Variants in NALF1 observed in about 807,000 individuals in gnomAD.
NALF1 encodes family with sequence similarity 155 member A.
Under a neutral mutation model 48.4 loss-of-function variants are expected in NALF1, and 3 were observed. The ratio of observed to expected loss-of-function variants is 0.06; its 90% CI spans 0.03 to 0.16. NALF1 has a LOEUF of 0.16. Among genes scored for constraint, NALF1 ranks in the 10% least tolerant of loss-of-function variants. The pLI is 1.00. For missense variants in NALF1, 526 were observed against 571.5 expected (o/e 0.92, Z 0.81); for synonymous variants, 262 against 245.7 (o/e 1.07, Z -0.62).
chr13:107,798,475 C>T (rs1408150150), intron 1 of NALF1, among the ~76,000 whole-genome samples: 1 of 152,104 alleles, frequency 6.6e-6, no homozygotes, highest in African/African-American at 2.4e-5. Context: ...CAATTATTAT[C>T]AATCTCTTCT....
At chr13:107,762,151 A>C (rs1052677220) in intron 1 of NALF1, among the ~76,000 whole-genome samples, 1 of 152,096 alleles carries the variant, frequency 6.6e-6, no homozygotes. Flanking sequence ...GGTGTGTGCT[A>C]TGGTGCCAGG....
At position 107,210,772 on chromosome 13, in the gene NALF1, A is replaced by T. The variant is rs138963049; in HGVS notation, c.916-17T>A. The T allele has an allele frequency of 6.1e-4, 975 of 1,593,696 alleles. 2 individuals carry two copies. In the African/African-American group the frequency reaches 9.8e-3, roughly 16 times the overall value. ...GTAGACAATCTGAAAAAAAGAGAAG[A>T]ATGAAAAATATAGAGGCGTGACAAC... is the stretch of plus-strand genomic sequence containing the variant. On this transcript the variant is annotated splice_polypyrimidine_tract_variant and intron_variant, in intron 1 of 2. Transcript: ENST00000375915.
chr13:107,751,271 G>T (rs1459193374), intron 1 of NALF1, among the ~76,000 whole-genome samples: 1 of 152,180 alleles, frequency 6.6e-6, no homozygotes, highest in Non-Finnish European at 1.5e-5. Context: ...TTTGCCCACG[G>T]TAGAGGTAAA....
At chr13:107,601,136 A>C (rs530050553) in intron 1 of NALF1, among the ~76,000 whole-genome samples, 1 of 152,280 alleles carries the variant, frequency 6.6e-6, no homozygotes, top group African/African-American at 2.4e-5. Flanking sequence ...TGATTGCTGT[A>C]GTATCCATTA....
intron 1 of NALF1, among the ~76,000 whole-genome samples, chr13:107,361,543 A>G (rs1037893809): frequency 3.3e-5 from 5 of 152,164 alleles, no homozygotes; most frequent in African/African-American, 1.2e-4. Flanking sequence ...TGAGCCATGG[A>G]AAAAAAGTGA....
chr13:107,782,230 T>C (rs1877913066), intron 1 of NALF1, among the ~76,000 whole-genome samples: 1 of 152,204 alleles, frequency 6.6e-6, no homozygotes, highest in African/African-American at 2.4e-5. Context: ...GTTTTCGTAT[T>C]TTTTGGTGGA....
intron 1 of NALF1, among the ~76,000 whole-genome samples, chr13:107,531,017 CATAT>C (rs3072957): frequency 0.69 from 103,766 of 150,560 alleles, 36,668 homozygotes; most frequent in Middle Eastern, 0.82. Context: ...TTGTCATTCA[CATAT>C]ATATATATAT....
intron 1 of NALF1, among the ~76,000 whole-genome samples, chr13:107,403,464 A>G (rs999240525): frequency 6.6e-6 from 1 of 151,632 alleles, no homozygotes; most frequent in African/African-American, 2.4e-5. Context: ...GCTTGAAGTG[A>G]TTAGATTTTC....
At chr13:107,230,510 TTATTA>T (rs1566458293) in intron 1 of NALF1, among the ~76,000 whole-genome samples, 1 of 152,122 alleles carries the variant, frequency 6.6e-6, no homozygotes, top group Non-Finnish European at 1.5e-5. Flanking sequence ...ATTATTATTA[TTATTA>T]TTTTTATTTT....
At chr13:107,608,814 T>G (rs1879143678) in intron 1 of NALF1, among the ~76,000 whole-genome samples, 1 of 152,190 alleles carries the variant, frequency 6.6e-6, no homozygotes, top group African/African-American at 2.4e-5. Context: ...TGAAGCAGGA[T>G]CAGACCCAGC....
At chr13:107,726,624 TTTC>T (rs1216442592) in intron 1 of NALF1, among the ~76,000 whole-genome samples, 5,421 of 70,232 alleles carry the variant, frequency 0.077, 111 homozygotes, top group Non-Finnish European at 0.093. Flanking sequence ...TTTTTTTTTT[TTTC>T]CAGATGGAGT....
At chr13:107,588,775 A>G (rs1043968260) in intron 1 of NALF1, among the ~76,000 whole-genome samples, 10 of 152,120 alleles carry the variant, frequency 6.6e-5, no homozygotes, top group African/African-American at 2.2e-4. Flanking sequence ...CTGCATAGGT[A>G]CAAAACTGAA....
intron 2 of NALF1, among the ~76,000 whole-genome samples, chr13:107,198,505 T>C (rs1879440267): frequency 6.6e-6 from 1 of 152,272 alleles, no homozygotes; most frequent in Admixed American, 6.5e-5. Context: ...TTTTTATTTC[T>C]TCCTGTCCTC....
intron 1 of NALF1, among the ~76,000 whole-genome samples, chr13:107,789,679 A>C (rs555363159): frequency 6.6e-6 from 1 of 152,354 alleles, no homozygotes; most frequent in African/African-American, 2.4e-5. Context: ...AGAGATAATA[A>C]AACTGAGACT....
At chr13:107,593,714 G>A (rs762359953) in intron 1 of NALF1, among the ~76,000 whole-genome samples, 13 of 151,042 alleles carry the variant, frequency 8.6e-5, no homozygotes, top group South Asian at 2.1e-4. Context: ...ATGAATCCTC[G>A]AGTAATAATA....
At chr13:107,769,328 G>A (rs1327846953) in intron 1 of NALF1, among the ~76,000 whole-genome samples, 1 of 148,720 alleles carries the variant, frequency 6.7e-6, no homozygotes, top group East Asian at 2.1e-4. Context: ...AAGAAAATGT[G>A]GCACATATAC....
At chr13:107,576,680 C>T (rs754167564) in intron 1 of NALF1, among the ~76,000 whole-genome samples, 5 of 152,050 alleles carry the variant, frequency 3.3e-5, no homozygotes, top group Admixed American at 6.5e-5. Context: ...CTGTGAAATT[C>T]GGTAGAATCA....
At chr13:107,391,934 T>C (rs1883634521) in intron 1 of NALF1, among the ~76,000 whole-genome samples, 1 of 152,148 alleles carries the variant, frequency 6.6e-6, no homozygotes, top group Non-Finnish European at 1.5e-5. Context: ...GTCACTCTTA[T>C]TTGGCTCAGA....
At chr13:107,527,434 A>G (rs1263143827) in intron 1 of NALF1, among the ~76,000 whole-genome samples, 4 of 152,160 alleles carry the variant, frequency 2.6e-5, no homozygotes, top group African/African-American at 7.2e-5. Flanking sequence ...AGAGTTAATT[A>G]AAACAGTAAA....
Sources: gnomAD v4.1 joint callset for allele counts (sites outside exome capture counted in the v4.1 genomes callset) on GRCh38, gnomAD v4.1.1 for gene constraint, MANE v1.5 for transcripts, NCBI Gene and HGNC (gene_info 2026-07-23, HGNC 2026-07-21) for gene names.